The following TEAD1 variants were observed in gnomAD, a reference collection of about 807,000 sequenced individuals.
The protein encoded by TEAD1 is TEA domain transcription factor 1, also known as transcriptional enhancer factor TEF-1.
In TEAD1, 9 loss-of-function variants were observed where a neutral mutation model predicts 54.9. The observed-to-expected ratio is 0.16, with a 90% confidence interval of 0.10 to 0.29. The LOEUF (loss-of-function observed/expected upper bound fraction) is 0.29. Among genes scored for constraint, TEAD1 ranks in the 10% least tolerant of loss-of-function variants. The pLI, the probability that TEAD1 is intolerant of heterozygous loss-of-function variation, is 1.00. For missense variants in TEAD1, 387 were observed against 535.9 expected (o/e 0.72, Z 2.74); for synonymous variants, 200 against 187.8 (o/e 1.07, Z -0.53).
chr11:12,675,802 C>T (rs1302907449), intron 2 of TEAD1, among the ~76,000 whole-genome samples: 1 of 152,168 alleles, frequency 6.6e-6, no homozygotes, highest in Non-Finnish European at 1.5e-5. Flanking sequence ...AGGACTCACA[C>T]CTCCCCTCTC....
At chr11:12,740,455 A>C (rs985262481) in intron 2 of TEAD1, among the ~76,000 whole-genome samples, 1 of 152,230 alleles carries the variant, frequency 6.6e-6, no homozygotes, top group Non-Finnish European at 1.5e-5. Flanking sequence ...CACTAGACAT[A>C]AAGTTGGTGT....
At chr11:12,792,581 A>G (rs1590156544) in intron 3 of TEAD1, among the ~76,000 whole-genome samples, 1 of 152,220 alleles carries the variant, frequency 6.6e-6, no homozygotes, top group Admixed American at 6.5e-5. Context: ...GTTTTAGAAC[A>G]TAAGGTCTGG....
At chr11:12,800,447 T>C (rs1044102340) in intron 3 of TEAD1, among the ~76,000 whole-genome samples, 12 of 152,214 alleles carry the variant, frequency 7.9e-5, no homozygotes, top group African/African-American at 2.9e-4. Context: ...TGCTCTTGGA[T>C]AGTTCTCATA....
chr11:12,769,716 T>C (rs1945277653), intron 3 of TEAD1, among the ~76,000 whole-genome samples: 1 of 152,130 alleles, frequency 6.6e-6, no homozygotes, highest in African/African-American at 2.4e-5. Flanking sequence ...ATTTCCTCTT[T>C]CGGACCTCTG....
chr11:12,723,246 A>G (rs563219599), intron 2 of TEAD1, among the ~76,000 whole-genome samples: 17 of 152,304 alleles, frequency 1.1e-4, no homozygotes, highest in Non-Finnish European at 2.1e-4. Flanking sequence ...GTTTGGCTCA[A>G]TGGTGCACAT....
intron 5 of TEAD1, among the ~76,000 whole-genome samples, chr11:12,869,736 C>T (rs1947700037): frequency 6.6e-6 from 1 of 151,952 alleles, no homozygotes; most frequent in Admixed American, 6.5e-5. Context: ...CTCTACCCAC[C>T]CTCCGTCTTC....
chr11:12,939,219 T>A lies in TEAD1; in HGVS notation c.*1997T>A, dbSNP rs1003022155. Reference sequence around the variant, plus strand: ...AAACAGACTACTGTTGGGTCCCTGATTCCAGGCTGGCCTGTGAAGGATTGC... The same window carrying A: ...AAACAGACTACTGTTGGGTCCCTGAATCCAGGCTGGCCTGTGAAGGATTGC... On this transcript the variant is annotated 3_prime_UTR_variant, in exon 13 of 13. Transcript: ENST00000527636. 3.3e-5 allele frequency: 5 copies of A among 152,436 alleles called. No individual in the cohort carries two copies. Among genetic ancestry groups the A allele is most frequent in the African/African-American group, 1.2e-4 (5 of 41,590 alleles). 9.4% of individuals were successfully genotyped at this position (152,436 alleles called of 1,614,324 possible).
At chr11:12,798,216 A>T (rs1945977682) in intron 3 of TEAD1, among the ~76,000 whole-genome samples, 1 of 151,998 alleles carries the variant, frequency 6.6e-6, no homozygotes, top group Non-Finnish European at 1.5e-5. Context: ...ACGTGTACCC[A>T]TCCTCTAGAC....
intron 3 of TEAD1, among the ~76,000 whole-genome samples, chr11:12,769,035 C>T (rs1260023546): frequency 6.6e-6 from 1 of 152,088 alleles, no homozygotes; most frequent in Non-Finnish European, 1.5e-5. Context: ...TTCTAGTGCC[C>T]TAGGATCCTA....
At position 12,881,955 on chromosome 11, in the gene TEAD1, C is replaced by T. The variant is rs759396966; in HGVS notation, c.572C>T (p.Pro191Leu). 1 of 1,614,188 alleles carries T rather than the reference C, an allele frequency of 6.2e-7. No individual in the cohort carries two copies. Residue 191 changes from proline (P) to leucine (L), a missense_variant and splice_region_variant, in exon 8 of 13, where the codon CCA becomes CTA. Coordinates refer to ENST00000527636, the MANE Select transcript of TEAD1 (RefSeq NM_021961.6). ...CAGCCAGCGGTCACAGCCCCCATTC[C>T]AGGTGAGTGTCCCTGAAACTCCTTT... is the stretch of plus-strand genomic sequence containing the variant.
chr11:12,851,486 CAGTAA>C (rs1425282363), intron 3 of TEAD1, among the ~76,000 whole-genome samples: 36 of 152,094 alleles, frequency 2.4e-4, no homozygotes, highest in Middle Eastern at 3.2e-3. Flanking sequence ...CAAATATATG[CAGTAA>C]AATTTATTTT....
chr11:12,931,794 A>G (rs955491751), intron 12 of TEAD1, among the ~76,000 whole-genome samples: 2 of 152,222 alleles, frequency 1.3e-5, no homozygotes, highest in African/African-American at 4.8e-5. Flanking sequence ...AAAATAAGTA[A>G]CATTTAAAAA....
chr11:12,906,539 CTCA>C (rs1564985880), intron 10 of TEAD1, among the ~76,000 whole-genome samples: 1 of 12,544 alleles, frequency 8.0e-5, no homozygotes, highest in African/African-American at 1.4e-4. Context: ...GAGACTCCTT[CTCA>C]AAAAAAAAAA....
intron 3 of TEAD1, among the ~76,000 whole-genome samples, chr11:12,800,541 C>T (rs975227979): frequency 1.3e-5 from 2 of 152,154 alleles, no homozygotes; most frequent in Non-Finnish European, 1.5e-5. Flanking sequence ...GGGAGGGGGA[C>T]GCAAAGCATA....
At chr11:12,877,221 C>T (rs1349688470) in intron 5 of TEAD1, among the ~76,000 whole-genome samples, 1 of 152,206 alleles carries the variant, frequency 6.6e-6, no homozygotes, top group African/African-American at 2.4e-5. Flanking sequence ...ATCCTGCCAG[C>T]TTCTAGGGCC....
chr11:12,908,538 G>A (rs1249800642), intron 10 of TEAD1, among the ~76,000 whole-genome samples: 6 of 152,206 alleles, frequency 3.9e-5, no homozygotes, highest in Admixed American at 6.5e-5. Flanking sequence ...CTCTGTGGCC[G>A]CACCTGACTG....
chr11:12,764,813 A>C (rs922641032), intron 3 of TEAD1, among the ~76,000 whole-genome samples: 1 of 150,860 alleles, frequency 6.6e-6, no homozygotes, highest in Non-Finnish European at 1.5e-5. Context: ...AACTGATGTC[A>C]CTAGGAATGG....
At chr11:12,833,405 G>T (rs1382027193) in intron 3 of TEAD1, among the ~76,000 whole-genome samples, 2 of 152,104 alleles carry the variant, frequency 1.3e-5, no homozygotes, top group Non-Finnish European at 2.9e-5. Context: ...TTAATGCAGG[G>T]TACAACATGA....
At chr11:12,765,701 G>A (rs1251780879) in intron 3 of TEAD1, among the ~76,000 whole-genome samples, 1 of 152,134 alleles carries the variant, frequency 6.6e-6, no homozygotes, top group Non-Finnish European at 1.5e-5. Context: ...TGCAGCATTG[G>A]AGTCTCTCAG....
Sources: gnomAD v4.1 joint callset for allele counts (sites outside exome capture counted in the v4.1 genomes callset) on GRCh38, gnomAD v4.1.1 for gene constraint, MANE v1.5 for transcripts, NCBI Gene and HGNC (gene_info 2026-07-23, HGNC 2026-07-21) for gene names.